The following ARHGAP10 variants were observed in gnomAD, a reference collection of about 807,000 sequenced individuals.
The protein encoded by ARHGAP10 is rho GTPase-activating protein 10.
A neutral mutation model predicts 108.6 loss-of-function variants in ARHGAP10; 87 were observed. The ratio of observed to expected loss-of-function variants is 0.80; its 90% CI spans 0.67 to 0.96. The LOEUF (loss-of-function observed/expected upper bound fraction) is 0.96. Ranked by LOEUF, ARHGAP10 falls within the 40% of genes least tolerant of loss-of-function variation. The pLI is 0.00. For synonymous variants in ARHGAP10, 347 were observed against 341.1 expected, an observed-to-expected ratio of 1.02 and a Z score of -0.19; for missense variants, 939 against 954.5, an observed-to-expected ratio of 0.98 and a Z score of 0.21.
chr4:148,013,273 G>A (rs189599336), intron 18 of ARHGAP10, among the ~76,000 whole-genome samples: 2 of 152,302 alleles, frequency 1.3e-5, no homozygotes, highest in Admixed American at 1.3e-4. Context: ...AGTCATTCCT[G>A]TAAACGTGTA....
At chr4:147,746,665 T>C (rs893718462) in intron 1 of ARHGAP10, among the ~76,000 whole-genome samples, 7 of 152,054 alleles carry the variant, frequency 4.6e-5, no homozygotes, top group Non-Finnish European at 8.8e-5. Context: ...GCTGGGATTG[T>C]AGGTGTGAGC....
intron 1 of ARHGAP10, among the ~76,000 whole-genome samples, chr4:147,738,897 T>C (rs890542410): frequency 6.6e-6 from 1 of 151,796 alleles, no homozygotes; most frequent in Admixed American, 6.6e-5. Context: ...GAAAACACAT[T>C]GGTGGCTGGG....
chr4:148,027,210 A>G (rs906885776), intron 19 of ARHGAP10, among the ~76,000 whole-genome samples: 1 of 152,216 alleles, frequency 6.6e-6, no homozygotes, highest in East Asian at 1.9e-4. Flanking sequence ...ACTAGGTTTT[A>G]TATGTATCTT....
At chr4:147,744,628 T>C (rs1421682874) in intron 1 of ARHGAP10, among the ~76,000 whole-genome samples, 1 of 151,464 alleles carries the variant, frequency 6.6e-6, no homozygotes, top group Non-Finnish European at 1.5e-5. Context: ...CTGCAGGCTA[T>C]AGGGGGTGAT....
At chr4:147,998,504 G>T (rs919914076) in intron 18 of ARHGAP10, among the ~76,000 whole-genome samples, 3 of 152,222 alleles carry the variant, frequency 2.0e-5, no homozygotes, top group African/African-American at 7.2e-5. Flanking sequence ...CGTCAGCAGG[G>T]CACTAATGCC....
intron 18 of ARHGAP10, among the ~76,000 whole-genome samples, chr4:147,987,569 T>C (rs1010863115): frequency 6.6e-6 from 1 of 152,254 alleles, no homozygotes; most frequent in Non-Finnish European, 1.5e-5. Flanking sequence ...GCTTGGTGCC[T>C]GTCTTCTCTG....
intron 4 of ARHGAP10, among the ~76,000 whole-genome samples, chr4:147,856,033 T>G (rs1215131735): frequency 6.6e-6 from 1 of 152,208 alleles, no homozygotes; most frequent in East Asian, 1.9e-4. Context: ...TGTTCCTTTT[T>G]TAGGAGGTGT....
At chr4:147,784,267 T>G (rs530691981) in intron 1 of ARHGAP10, among the ~76,000 whole-genome samples, 2 of 135,952 alleles carry the variant, frequency 1.5e-5, no homozygotes, top group African/African-American at 5.3e-5. Flanking sequence ...GTGTATTATA[T>G]AATTTACATA....
chr4:148,068,484 G>C (rs1270470785), intron 22 of ARHGAP10, among the ~76,000 whole-genome samples: 2 of 152,142 alleles, frequency 1.3e-5, no homozygotes, highest in Non-Finnish European at 2.9e-5. Context: ...TCCTAGCACA[G>C]GGGAATCTGA....
At chr4:147,784,287 T>G (rs866675514) in intron 1 of ARHGAP10, among the ~76,000 whole-genome samples, 146 of 119,404 alleles carry the variant, frequency 1.2e-3, no homozygotes, top group Non-Finnish European at 1.9e-3. Context: ...AACATTAAAT[T>G]ATATAATTTA....
intron 1 of ARHGAP10, among the ~76,000 whole-genome samples, chr4:147,780,964 C>T (rs575749290): frequency 1.3e-5 from 2 of 152,194 alleles, no homozygotes; most frequent in African/African-American, 4.8e-5. Context: ...AGAGAAGACG[C>T]TCCAGAGAAT....
chr4:147,922,354 G>A (rs1216696391), intron 13 of ARHGAP10, among the ~76,000 whole-genome samples: 1 of 151,684 alleles, frequency 6.6e-6, no homozygotes, highest in Non-Finnish European at 1.5e-5. Flanking sequence ...ATAAGCATTT[G>A]GAAGGATTCT....
At chr4:147,828,213 A>G (rs1040679739) in intron 3 of ARHGAP10, among the ~76,000 whole-genome samples, 2 of 152,242 alleles carry the variant, frequency 1.3e-5, no homozygotes, top group African/African-American at 4.8e-5. Flanking sequence ...GAGTCATTAA[A>G]ATGTTAAAAC....
chr4:147,937,286 C>T (rs1317999143), intron 13 of ARHGAP10, among the ~76,000 whole-genome samples: 2 of 152,150 alleles, frequency 1.3e-5, no homozygotes, highest in Admixed American at 6.5e-5. Context: ...TTCTCATGGT[C>T]CCCCTCTGTA....
intron 11 of ARHGAP10, 93 bp from the exon 12 acceptor site, chr4:147,909,639 T>G (rs1736651060): frequency 1.9e-6 from 2 of 1,071,390 alleles, no homozygotes; most frequent in Admixed American, 2.4e-5. Flanking sequence ...CTTATAAAAA[T>G]GTATTTTTTT....
intron 13 of ARHGAP10, among the ~76,000 whole-genome samples, chr4:147,915,290 G>A (rs1002468093): frequency 6.6e-6 from 1 of 152,344 alleles, no homozygotes; most frequent in Middle Eastern, 3.4e-3. Flanking sequence ...AATCTGCACT[G>A]AAGCTGAGCT....
intron 1 of ARHGAP10, 86 bp downstream of exon 1, chr4:147,732,541 G>A: frequency 1.3e-6 from 2 of 1,551,452 alleles, no homozygotes; most frequent in South Asian, 1.2e-5. Context: ...AGGGTCTTGT[G>A]TCCGGGGCCA....
intron 1 of ARHGAP10, among the ~76,000 whole-genome samples, chr4:147,751,433 G>T (rs181116198): frequency 9.3e-5 from 14 of 150,678 alleles, no homozygotes; most frequent in African/African-American, 3.4e-4. Context: ...GCGTGATCTC[G>T]GCTCACTGCA....
intron 11 of ARHGAP10, among the ~76,000 whole-genome samples, chr4:147,907,090 G>A (rs1736527544): frequency 6.6e-6 from 1 of 152,122 alleles, no homozygotes; most frequent in Admixed American, 6.6e-5. Context: ...GTGAGATAGT[G>A]CAGGCAATAT....
Sources: gnomAD v4.1 joint callset for allele counts (sites outside exome capture counted in the v4.1 genomes callset) on GRCh38, gnomAD v4.1.1 for gene constraint, MANE v1.5 for transcripts, NCBI Gene and HGNC (gene_info 2026-07-23, HGNC 2026-07-21) for gene names.